Variants in ICE1 observed in about 807,000 individuals in gnomAD.
ICE1 encodes the protein interactor of little elongation complex ELL subunit 1, also known as little elongation complex subunit 1.
Under a neutral mutation model 192.7 loss-of-function variants are expected in ICE1, and 64 were observed. The observed-to-expected ratio is 0.33, with a 90% CI of 0.27 to 0.41. The LOEUF (loss-of-function observed/expected upper bound fraction) is 0.41, where lower values mean the gene tolerates loss of function less well. ICE1 is among the 10% of genes least tolerant of loss of function. The pLI is 1.00. For missense variants in ICE1, 2,708 were observed against 2,696.0 expected (o/e 1.00, Z -0.10); for synonymous variants, 1,010 against 984.5 (o/e 1.03, Z -0.49).
chr5:5,481,880 C>T (rs1739514355), intron 17 of ICE1, among the ~76,000 whole-genome samples: 1 of 152,132 alleles, frequency 6.6e-6, no homozygotes, highest in Admixed American at 6.6e-5. Flanking sequence ...CCCCATATAG[C>T]CTAGGTGTGT....
chr5:5,486,553 T>C (rs896153431), intron 17 of ICE1, among the ~76,000 whole-genome samples, 168 bp from the exon 18 acceptor site: 3 of 152,242 alleles, frequency 2.0e-5, no homozygotes, highest in African/African-American at 4.8e-5. Flanking sequence ...ATTTATTCCA[T>C]TGTAACTTGG....
At chr5:5,457,764 G>T (rs1738633333) in intron 12 of ICE1, 23 bp downstream of exon 12, 1 of 1,591,842 alleles carries the variant, frequency 6.3e-7, no homozygotes, top group Non-Finnish European at 8.6e-7. Context: ...CTCTGAATTT[G>T]AATTACCAAG....
rs563436895 is a variant in ICE1, at chr5:5,430,754, T to C, written c.85-5664T>C. Among the ~76,000 whole-genome samples, 5 of 152,258 alleles carry C rather than the reference T, an allele frequency of 3.3e-5. No individual in the cohort carries two copies. The East Asian group carries it at 7.7e-4, about 23-fold the overall frequency. On this transcript the variant is annotated intron_variant, in intron 1 of 18. Transcript: ENST00000296564. ...TTTCTCCATTTGTTCAGTATAGTTA[T>C]GATTTCAGTTAGATCAGTATTTGAA...
At chr5:5,426,442 C>T (rs144344443) in intron 1 of ICE1, among the ~76,000 whole-genome samples, 27 of 139,182 alleles carry the variant, frequency 1.9e-4, no homozygotes, top group South Asian at 6.7e-4. Context: ...AGCAAGACTC[C>T]GTCTCAAAAA....
intron 18 of ICE1, among the ~76,000 whole-genome samples, chr5:5,488,739 G>A (rs987207158): frequency 5.9e-5 from 9 of 152,122 alleles, no homozygotes; most frequent in Non-Finnish European, 1.2e-4. Flanking sequence ...ATTTATAAAT[G>A]CTTCCCGTGG....
intron 1 of ICE1, among the ~76,000 whole-genome samples, chr5:5,428,716 G>A (rs755952275): frequency 6.6e-6 from 1 of 152,144 alleles, no homozygotes; most frequent in Non-Finnish European, 1.5e-5. Context: ...GACCTATTCA[G>A]ATTTTGCTTG....
rs763103873 is a variant in ICE1 at position 5,464,232 on chromosome 5, C to T, written c.4898C>T (p.Pro1633Leu). The change falls in exon 13 of 19, where the codon CCG becomes CTG. Residue 1633 changes from proline to leucine, a missense_variant. Pro to Leu is a moderately conservative substitution (Grantham distance 98, BLOSUM62 -3). Around this residue, in one of 2 missense-constraint regions of ICE1, gnomAD observed 2,366 missense variants for 2,276.6 expected, o/e 1.04. Coordinates refer to ENST00000296564, the MANE Select transcript of ICE1 (RefSeq NM_015325.3). The surrounding 1 kb of genome is among the most constrained non-coding windows in gnomAD (Gnocchi z 4.0). Reference protein sequence around the residue: ...KIRQEVGPPLPPLLAPLIATP... With the variant: ...KIRQEVGPPLLPLLAPLIATP... Reference sequence around the variant, plus strand: ...CGGCAAGAGGTGGGGCCTCCTTTGCCGCCTCTGCTTGCTCCTCTGATAGCT... The same window carrying T: ...CGGCAAGAGGTGGGGCCTCCTTTGCTGCCTCTGCTTGCTCCTCTGATAGCT... 1.5e-5 allele frequency: 25 copies of T among 1,613,318 alleles called. No homozygotes were observed. Among genetic ancestry groups the T allele is most frequent in the South Asian group, 5.5e-5 (5 of 91,058 alleles).
chr5:5,475,423 A>G (rs2619828), intron 16 of ICE1, among the ~76,000 whole-genome samples: 144,912 of 152,346 alleles, frequency 0.95, 68,989 homozygotes, highest in African/African-American at 0.99. Flanking sequence ...CTTTATGAAT[A>G]CCATGAAAGA....
At chr5:5,447,680 TC>T (rs765389848) in intron 8 of ICE1, 40 bp from the exon 9 acceptor site, 1 of 1,531,044 alleles carries the variant, frequency 6.5e-7, no homozygotes, top group East Asian at 2.4e-5. Context: ...TGGCTGCACT[TC>T]TTATTCAGCA....
chr5:5,459,601 T>C (rs1738691483), intron 12 of ICE1, among the ~76,000 whole-genome samples: 1 of 151,836 alleles, frequency 6.6e-6, no homozygotes, highest in Non-Finnish European at 1.5e-5. Flanking sequence ...GAAAGGAGAT[T>C]GAAAAGAAGG....
intron 12 of ICE1, among the ~76,000 whole-genome samples, chr5:5,458,602 G>A (rs1004324954): frequency 6.6e-6 from 1 of 152,316 alleles, no homozygotes. Flanking sequence ...AGGTGGAGGA[G>A]CTGTTCTCAC....
intron 10 of ICE1, among the ~76,000 whole-genome samples, chr5:5,452,746 T>C (rs1325209037): frequency 6.6e-6 from 1 of 152,190 alleles, no homozygotes; most frequent in Non-Finnish European, 1.5e-5. Context: ...CTAACAGATA[T>C]TCAGTAACCT....
At chr5:5,434,346 G>A (rs1737807693) in intron 1 of ICE1, among the ~76,000 whole-genome samples, 1 of 152,146 alleles carries the variant, frequency 6.6e-6, no homozygotes, top group African/African-American at 2.4e-5. Flanking sequence ...TGAAATGTAG[G>A]CATGAGTAAA....
rs200171752 is a variant in ICE1 at position 5,461,583 on chromosome 5, G to C, written c.2249G>C (p.Gly750Ala). The change falls in exon 13 of 19, where the codon GGG (glycine) becomes GCG (alanine). Residue 750 changes from glycine (G) to alanine (A), a missense_variant. By Grantham distance (60) the Gly-to-Ala change is moderately conservative. Coordinates refer to ENST00000296564, the MANE Select transcript of ICE1 (RefSeq NM_015325.3). The stretch of plus-strand genomic sequence containing the variant: ...GTATTTATGAAAGCTACAAAAGATG[G>C]GCAATGTGAAAGTCAAGATCCAAGA... ...RSVFMKATKD[G>A]QCESQDPRIE... 467 of 1,613,108 alleles carry C rather than the reference G, an allele frequency of 2.9e-4. No homozygotes were observed. Among genetic ancestry groups the C allele is most frequent in the Middle Eastern group, 1.8e-3 (11 of 6,060 alleles).
At position 5,422,840 on chromosome 5, in the gene ICE1, C is replaced by T. The variant is rs1737347551; in HGVS notation, c.-76C>T. 1.8e-6 allele frequency: 2 copies of T among 1,100,082 alleles called. No homozygotes were observed. Among genetic ancestry groups the T allele is most frequent in the South Asian group, 3.8e-5 (1 of 26,294 alleles). 68.1% of individuals were successfully genotyped at this position (1,100,082 alleles called of 1,614,324 possible). A position where few individuals can be genotyped will look rare whatever the true frequency, so the allele number is the denominator to read the frequency against. ...GCCTGGCAGGCGGCGGCCCCGGCGG[C>T]ATCAGCAGAGACAGGACGGGGCCGA... On this transcript the variant is annotated 5_prime_UTR_variant, in exon 1 of 19. Coordinates refer to ENST00000296564, the MANE Select transcript of ICE1 (RefSeq NM_015325.3).
Position 5,463,788 on chromosome 5 carries a change from G to A in ICE1, c.4454G>A (p.Cys1485Tyr). ...HTGPAFQEAPCGNNLSCPQED... is the reference protein window; with the variant it reads ...HTGPAFQEAPYGNNLSCPQED... ...GGCCCTGCATTTCAGGAGGCTCCAT[G>A]TGGCAATAATCTTTCATGTCCCCAA... Residue 1485 changes from cysteine (C) to tyrosine (Y), a missense_variant, in exon 13 of 19, where the codon TGT (cysteine) becomes TAT (tyrosine). Cys to Tyr is a radical substitution (Grantham distance 194). Transcript: ENST00000296564. 6.2e-7 allele frequency: 1 copy of A among 1,614,010 alleles called. No homozygotes were observed. Among genetic ancestry groups the A allele is most frequent in the Non-Finnish European group, 8.5e-7 (1 of 1,179,890 alleles).
chr5:5,487,240 G>T (rs1210975349), intron 18 of ICE1, among the ~76,000 whole-genome samples: 5 of 152,150 alleles, frequency 3.3e-5, no homozygotes, highest in African/African-American at 1.2e-4. Flanking sequence ...AGCATCAAGG[G>T]GGGAGAGCTT....
Position 5,424,621 on chromosome 5 carries a change from G to A in ICE1, c.84+1622G>A, listed in dbSNP as rs939847873. On this transcript the variant is annotated intron_variant, in intron 1 of 18. Coordinates refer to ENST00000296564, the MANE Select transcript of ICE1 (RefSeq NM_015325.3). ...AGTTATGTTAGAGGGTAATGAAAAC[G>A]TTGTTGATGAATTGAACAGAGATGG... Among the ~76,000 whole-genome samples the A allele has an allele frequency of 5.9e-5, 9 of 152,290 alleles. No individual in the cohort carries two copies. The South Asian group carries it at 1.0e-3, about 18-fold the overall frequency.
At position 5,469,289 on chromosome 5, in the gene ICE1, A is replaced by T. The variant is rs138991823; in HGVS notation, c.6222+301A>T. Among the ~76,000 whole-genome samples, 6 of 152,332 alleles carry T rather than the reference A, an allele frequency of 3.9e-5. No homozygotes were observed. In the East Asian group the frequency reaches 1.2e-3, roughly 29 times the overall value. ...GTTTAAAAGTCTCAGAGAAGCTACA[A>T]AATTATTTGGTTCTTCAATAGATAC... On this transcript the variant is annotated intron_variant, in intron 15 of 18. Transcript: ENST00000296564.
Sources: gnomAD v4.1 joint callset for allele counts (sites outside exome capture counted in the v4.1 genomes callset) on GRCh38, gnomAD v4.1.1 for gene constraint, gnomAD v4.1.1 regional missense constraint, Gnocchi (gnomAD v3.1) non-coding constraint, MANE v1.5 for transcripts, NCBI Gene and HGNC (gene_info 2026-07-23, HGNC 2026-07-21) for gene names.